The following MEI4 variants were observed in gnomAD, a reference collection of about 807,000 sequenced individuals.
MEI4 encodes meiotic double-stranded break formation protein 4.
A neutral mutation model predicts 31.4 loss-of-function variants in MEI4; 27 were observed. That is an observed-to-expected ratio of 0.86 (90% confidence interval 0.63 to 1.19). The LOEUF (loss-of-function observed/expected upper bound fraction) is 1.19, where lower values mean the gene tolerates loss of function less well. Among genes scored for constraint, MEI4 ranks in the 50% most tolerant of loss-of-function variants. The pLI is 0.00. For missense variants in MEI4, 329 were observed against 398.9 expected (o/e 0.82, Z 1.49); for synonymous variants, 122 against 145.4 (o/e 0.84, Z 1.16).
At chr6:77,705,342 A>G (rs1044324736) in intron 2 of MEI4, among the ~76,000 whole-genome samples, 1 of 152,238 alleles carries the variant, frequency 6.6e-6, no homozygotes, top group Non-Finnish European at 1.5e-5. Context: ...ATAAAGTGAC[A>G]TAGCTAAAAA....
At chr6:77,921,558 G>A (rs1433934582) in intron 4 of MEI4, among the ~76,000 whole-genome samples, 1 of 151,728 alleles carries the variant, frequency 6.6e-6, no homozygotes, top group Non-Finnish European at 1.5e-5. Context: ...TTTACAACTT[G>A]GTTAACTTTG....
intron 4 of MEI4, among the ~76,000 whole-genome samples, chr6:77,854,972 A>G: frequency 1.4e-5 from 1 of 71,884 alleles, no homozygotes; most frequent in African/African-American, 5.6e-5. Context: ...ATAATAATAG[A>G]CATTGTGGGG....
chr6:77,923,381 T>C lies in MEI4; in HGVS notation c.*35T>C. The stretch of plus-strand genomic sequence containing the variant: ...TTAGCAATTTACCACGTTTGAAGCA[T>C]AATAAAGTAGAATATATGAAAATCT... On this transcript the variant is annotated 3_prime_UTR_variant, in exon 5 of 5. Transcript: ENST00000684080. 2.5e-6 allele frequency: 3 copies of C among 1,222,618 alleles called. No homozygotes were observed. Among genetic ancestry groups the C allele is most frequent in the Admixed American group, 8.5e-5 (2 of 23,538 alleles). The allele number at this position is 1,222,618 out of a possible 1,614,324, so 75.7% of individuals were successfully genotyped here. A position where few individuals can be genotyped will look rare whatever the true frequency, so the allele number is the denominator to read the frequency against.
chr6:77,773,387 A>T (rs1344445510), intron 3 of MEI4, among the ~76,000 whole-genome samples: 1 of 152,024 alleles, frequency 6.6e-6, no homozygotes, highest in Admixed American at 6.6e-5. Flanking sequence ...CTACCCATCT[A>T]CAGTGAACTC....
chr6:77,895,387 C>G (rs1323814999), intron 4 of MEI4, among the ~76,000 whole-genome samples: 16 of 152,104 alleles, frequency 1.1e-4, no homozygotes, highest in Admixed American at 1.0e-3. Flanking sequence ...TGTCTCAATG[C>G]ATCATCACTA....
intron 4 of MEI4, among the ~76,000 whole-genome samples, chr6:77,898,141 C>T (rs938162370): frequency 6.6e-6 from 1 of 152,126 alleles, no homozygotes; most frequent in Non-Finnish European, 1.5e-5. Context: ...AGCTAAGCCC[C>T]TGCTTATTTG....
chr6:77,791,608 C>T (rs1289821808), intron 3 of MEI4, among the ~76,000 whole-genome samples: 2 of 149,480 alleles, frequency 1.3e-5, no homozygotes, highest in Admixed American at 1.3e-4. Flanking sequence ...GTGCAGCGCA[C>T]CAGCATGGCA....
chr6:77,759,535 C>T (rs180751343), intron 2 of MEI4, among the ~76,000 whole-genome samples: 1 of 152,226 alleles, frequency 6.6e-6, no homozygotes, highest in East Asian at 1.9e-4. Flanking sequence ...TCTTCTAAGC[C>T]ATTTCTTTTA....
intron 3 of MEI4, among the ~76,000 whole-genome samples, chr6:77,770,713 G>T (rs1422315152): frequency 6.6e-6 from 1 of 152,076 alleles, no homozygotes; most frequent in Non-Finnish European, 1.5e-5. Flanking sequence ...CCAGCCATCC[G>T]ATGTTTGAGA....
chr6:77,904,635 A>C (rs1766253095), intron 4 of MEI4, among the ~76,000 whole-genome samples: 1 of 152,180 alleles, frequency 6.6e-6, no homozygotes, highest in Admixed American at 6.6e-5. Context: ...TGCAGAGGAC[A>C]TGAACTCATT....
intron 1 of MEI4, among the ~76,000 whole-genome samples, chr6:77,660,561 G>A (rs1411485945): frequency 1.3e-5 from 2 of 151,720 alleles, no homozygotes; most frequent in African/African-American, 4.8e-5. Flanking sequence ...TTTTTTGGGG[G>A]GGCTTGGCCT....
chr6:77,700,268 G>T (rs996946282), intron 2 of MEI4, among the ~76,000 whole-genome samples: 2 of 152,164 alleles, frequency 1.3e-5, no homozygotes, highest in Non-Finnish European at 2.9e-5. Flanking sequence ...CAGCTGCTTT[G>T]TTTACCTAAT....
chr6:77,791,019 AAGTC>A (rs1322592932), intron 3 of MEI4, among the ~76,000 whole-genome samples: 1 of 152,118 alleles, frequency 6.6e-6, no homozygotes, highest in Admixed American at 6.5e-5. Flanking sequence ...AATCATTAAA[AAGTC>A]AGGAAACAAC....
intron 4 of MEI4, among the ~76,000 whole-genome samples, chr6:77,883,540 T>G (rs185280113): frequency 3.0e-4 from 46 of 151,546 alleles, no homozygotes; most frequent in African/African-American, 1.1e-3. Flanking sequence ...TAAGTGACAA[T>G]CTGCAATGTT....
At chr6:77,805,421 T>A (rs1361432571) in intron 3 of MEI4, among the ~76,000 whole-genome samples, 4 of 152,154 alleles carry the variant, frequency 2.6e-5, no homozygotes, top group Non-Finnish European at 4.4e-5. Context: ...CCATATAAAA[T>A]GTATATTTGA....
chr6:77,659,304 G>T (rs1341626724), intron 1 of MEI4, among the ~76,000 whole-genome samples: 1 of 148,780 alleles, frequency 6.7e-6, no homozygotes, highest in Non-Finnish European at 1.5e-5. Context: ...AGACTAGTGT[G>T]CATGTGCCTG....
chr6:77,751,246 A>G (rs1767765457), intron 2 of MEI4, among the ~76,000 whole-genome samples: 1 of 152,186 alleles, frequency 6.6e-6, no homozygotes, highest in African/African-American at 2.4e-5. Flanking sequence ...AGCTATCAGA[A>G]GACAAGAAAT....
intron 3 of MEI4, among the ~76,000 whole-genome samples, chr6:77,798,084 A>G (rs1561992922): frequency 6.6e-6 from 1 of 152,128 alleles, no homozygotes; most frequent in Non-Finnish European, 1.5e-5. Context: ...TTTTACTGAC[A>G]ATAAGTCAGT....
In MEI4 at chr6:77,761,409, G is replaced by T. The variant is rs527596466; in HGVS notation, c.512G>T (p.Arg171Ile). The part of the protein sequence containing the change: ...KNLTESGNLK[R>I]DLTHFEKDSS... ...TTGACAGAATCAGGTAATCTTAAAA[G>T]AGACTTAACCCACTTTGAAAAAGAC... Residue 171 changes from arginine (R) to isoleucine (I), a missense_variant, in exon 3 of 5, where the codon AGA (arginine) becomes ATA (isoleucine). Transcript: ENST00000684080. The T allele has an allele frequency of 8.0e-5, 98 of 1,232,002 alleles. No homozygotes were observed. The highest frequency in any genetic ancestry group is 9.3e-5 in the Non-Finnish European group (92 of 987,930). The allele number at this position is 1,232,002 out of a possible 1,614,324, so 76.3% of individuals were successfully genotyped here.
Sources: allele counts gnomAD v4.1 joint callset (sites outside exome capture counted in the v4.1 genomes callset), GRCh38; gene constraint gnomAD v4.1.1; transcripts MANE v1.5; gene names NCBI Gene and HGNC (gene_info 2026-07-23, HGNC 2026-07-21).